SMC3: variants seen among roughly 807,000 people sequenced by gnomAD.
The protein encoded by SMC3 is structural maintenance of chromosomes 3, also known as structural maintenance of chromosomes protein 3.
In SMC3, 20 loss-of-function variants were observed where a neutral mutation model predicts 171.8. The observed-to-expected ratio is 0.12, with a 90% CI of 0.08 to 0.17. SMC3 has a LOEUF of 0.17. SMC3 is among the 10% of genes least tolerant of loss of function. SMC3 has a pLI of 1.00. For missense variants in SMC3, 543 were observed against 1,420.4 expected, an observed-to-expected ratio of 0.38 and a Z score of 9.93; for synonymous variants, 464 against 451.1, an observed-to-expected ratio of 1.03 and a Z score of -0.36.
chr10:110,570,133 G>T (rs1860847919), intron 2 of SMC3, among the ~76,000 whole-genome samples: 1 of 152,176 alleles, frequency 6.6e-6, no homozygotes, highest in Non-Finnish European at 1.5e-5. Context: ...CTTATGGACA[G>T]CTGCTGTCTT....
At chr10:110,600,348 TG>T (rs1306053675) in intron 21 of SMC3, 90 bp from the exon 22 acceptor site, 5 of 751,678 alleles carry the variant, frequency 6.7e-6, no homozygotes, top group African/African-American at 3.5e-5. Flanking sequence ...TCAGCTCACA[TG>T]AGCACAAGTA....
At position 110,582,582 on chromosome 10, in the gene SMC3, T is replaced by C. The variant is rs753910769; in HGVS notation, c.744T>C (p.Thr248=). The part of the protein sequence containing the change: ...KLDELSAKRE[T]SGEKSRQLRD... ...CTTAGCTTTCTGCTAAGCGAGAGACTAGTGGAGAAAAATCCAGACAATTAA... is the reference window on the plus strand; with the variant it reads ...CTTAGCTTTCTGCTAAGCGAGAGACCAGTGGAGAAAAATCCAGACAATTAA... The change falls in exon 10 of 29, where the codon ACT becomes ACC. Residue 248 remains threonine, a synonymous_variant. Transcript: ENST00000361804. The C allele has an allele frequency of 6.2e-7, 1 of 1,613,310 alleles. No individual in the cohort carries two copies. Among genetic ancestry groups the C allele is most frequent in the South Asian group, 1.1e-5 (1 of 91,068 alleles).
At chr10:110,596,636 C>T in intron 19 of SMC3, 86 bp downstream of exon 19, 1 of 1,288,230 alleles carries the variant, frequency 7.8e-7, no homozygotes, top group Non-Finnish European at 1.1e-6. Context: ...TGTTTTTTCA[C>T]ATATTAAAAA....
chr10:110,572,101 G>C (rs1360485080), intron 2 of SMC3, among the ~76,000 whole-genome samples: 3 of 152,130 alleles, frequency 2.0e-5, no homozygotes, highest in African/African-American at 7.2e-5. Context: ...ACTGTTCAGA[G>C]ACTACTCATA....
chr10:110,597,483 C>A (rs1035447832), intron 19 of SMC3, among the ~76,000 whole-genome samples: 1 of 152,170 alleles, frequency 6.6e-6, no homozygotes, highest in Non-Finnish European at 1.5e-5. Context: ...TTAACTGCTT[C>A]AGGTGAAACT....
intron 8 of SMC3, among the ~76,000 whole-genome samples, chr10:110,581,279 G>A (rs1051206227): frequency 6.1e-5 from 9 of 147,238 alleles, no homozygotes; most frequent in African/African-American, 1.8e-4. Context: ...GTGCAGTGGC[G>A]CGATCTCTGC....
chr10:110,579,098 A>G (rs984824813), intron 7 of SMC3, among the ~76,000 whole-genome samples: 1 of 152,190 alleles, frequency 6.6e-6, no homozygotes, highest in African/African-American at 2.4e-5. Context: ...GAAATCTGCC[A>G]TTTTGCCACA....
chr10:110,597,999 G>A, intron 19 of SMC3, 140 bp from the exon 20 acceptor site: 1 of 742,722 alleles, frequency 1.3e-6, no homozygotes, highest in Non-Finnish European at 2.3e-6. Flanking sequence ...GTTCAGCATT[G>A]TTTTGGTCCA....
rs535845988 is a variant in SMC3 at position 110,593,283 on chromosome 10, A to G, written c.1963+60A>G. 2.4e-5 allele frequency: 37 copies of G among 1,566,026 alleles called. 1 individual carries two copies. In the African/African-American group the frequency reaches 3.9e-4, roughly 17 times the overall value. Reference sequence around the variant, plus strand: ...AATTCTAACAAATCATTTAAAACATATAATCTGGCTGGGCGCAGTGGCTCA... The same window carrying G: ...AATTCTAACAAATCATTTAAAACATGTAATCTGGCTGGGCGCAGTGGCTCA... On this transcript the variant is annotated intron_variant, in intron 18 of 28. Coordinates refer to ENST00000361804, the MANE Select transcript of SMC3 (RefSeq NM_005445.4).
chr10:110,568,767 CTT>C lies in SMC3; in HGVS notation c.16-159_16-158del, dbSNP rs35132779. 4.5e-3 allele frequency among the ~76,000 whole-genome samples: 638 copies of C among 143,196 alleles called. 6 individuals carry two copies. Among genetic ancestry groups the C allele is most frequent in the African/African-American group, 0.015 (607 of 39,168 alleles). The allele number at this position is 143,196 out of a possible 152,430, so 93.9% of individuals were successfully genotyped here. A position where few individuals can be genotyped will look rare whatever the true frequency, so the allele number is the denominator to read the frequency against. Reference sequence around the variant, plus strand: ...TGGCAAAGATTACCGATAAAAGTACCTTTTTTTTTTTTTAGCAGATTTTTAAT... The same window carrying C: ...TGGCAAAGATTACCGATAAAAGTACCTTTTTTTTTTTAGCAGATTTTTAAT... On this transcript the variant is annotated intron_variant, in intron 1 of 28. Transcript: ENST00000361804.
intron 13 of SMC3, among the ~76,000 whole-genome samples, chr10:110,587,689 G>GAA (rs34378467): frequency 8.5e-5 from 8 of 94,266 alleles, no homozygotes; most frequent in African/African-American, 1.0e-4. Context: ...CCGTCTCAAA[G>GAA]AAAAAAAAAA....
chr10:110,572,132 CTGT>C (rs1182688746), intron 2 of SMC3, among the ~76,000 whole-genome samples: 5 of 152,172 alleles, frequency 3.3e-5, no homozygotes, highest in Admixed American at 3.3e-4. Context: ...CTAGATTCAC[CTGT>C]TGTTAACATT....
At chr10:110,583,641 T>A in intron 11 of SMC3, 93 bp downstream of exon 11, 1 of 1,320,362 alleles carries the variant, frequency 7.6e-7, no homozygotes, top group Non-Finnish European at 1.1e-6. Flanking sequence ...TGTGTTGGAA[T>A]TTTTTTTTAA....
chr10:110,589,888 T>C lies in SMC3; in HGVS notation c.1410-4T>C. 2 of 1,612,998 alleles carry C rather than the reference T, an allele frequency of 1.2e-6. No homozygotes were observed. Among genetic ancestry groups the C allele is most frequent in the African/African-American group, 2.7e-5 (2 of 75,040 alleles). ...TTAAAGACAGTCTACTTTTTATTTATTAGCTACTTGTGGAGAGAAGAGAAT... is the reference window on the plus strand; with the variant it reads ...TTAAAGACAGTCTACTTTTTATTTACTAGCTACTTGTGGAGAGAAGAGAAT... On this transcript the variant is annotated splice_region_variant and splice_polypyrimidine_tract_variant and intron_variant, in intron 14 of 28. Coordinates refer to ENST00000361804, the MANE Select transcript of SMC3 (RefSeq NM_005445.4).
At chr10:110,568,534 A>G (rs1860818228) in intron 1 of SMC3, 1 of 213,496 alleles carries the variant, frequency 4.7e-6, no homozygotes, top group Non-Finnish European at 9.3e-6. Flanking sequence ...GGGTTCTTTC[A>G]GGCTGGCCGG....
chr10:110,602,751 T>C (rs1861406252), intron 26 of SMC3, 74 bp from the exon 27 acceptor site: 4 of 1,559,022 alleles, frequency 2.6e-6, no homozygotes, highest in Non-Finnish European at 2.7e-6. Context: ...TGGTGCATTA[T>C]ATGCAAGTTA....
chr10:110,600,207 TAAAG>T (rs981612946), intron 21 of SMC3, among the ~76,000 whole-genome samples: 2 of 152,200 alleles, frequency 1.3e-5, no homozygotes, highest in African/African-American at 4.8e-5. Flanking sequence ...GAAAAGCATT[TAAAG>T]AAACTGTTTT....
At position 110,596,490 on chromosome 10, in the gene SMC3, G is replaced by A; in HGVS notation, c.2056G>A (p.Glu686Lys). The A allele has an allele frequency of 6.2e-7, 1 of 1,613,804 alleles. No individual in the cohort carries two copies. The change falls in exon 19 of 29, where the codon GAA becomes AAA. Residue 686 changes from glutamate (E) to lysine (K), a missense_variant. Physicochemically the swap from Glu to Lys is moderately conservative, Grantham distance 56. This residue lies in a region of SMC3 where 218 missense variants were observed against 509.6 expected (regional missense o/e 0.43). Coordinates refer to ENST00000361804, the MANE Select transcript of SMC3 (RefSeq NM_005445.4). Reference protein sequence around the residue: ...LELQKDVRKAEEELGELEAKL... With the variant: ...LELQKDVRKAKEELGELEAKL... ...ATTGCAAAAAGATGTTAGAAAAGCA[G>A]AAGAAGAACTAGGTGAACTTGAAGC...
At chr10:110,595,496 T>TAATTAC (rs1861285466) in intron 18 of SMC3, among the ~76,000 whole-genome samples, 1 of 152,252 alleles carries the variant, frequency 6.6e-6, no homozygotes, top group Non-Finnish European at 1.5e-5. Context: ...CTCTCCGTTG[T>TAATTAC]AAAGGTATCC....
Sources: allele counts gnomAD v4.1 joint callset (sites outside exome capture counted in the v4.1 genomes callset), GRCh38; gene constraint gnomAD v4.1.1; regional missense constraint gnomAD v4.1.1; transcripts MANE v1.5; gene names NCBI Gene and HGNC (gene_info 2026-07-23, HGNC 2026-07-21).